Variants in GRK3 observed in about 807,000 individuals in gnomAD.
GRK3 encodes the protein G protein-coupled receptor kinase 3, also known as adrenergic, beta, receptor kinase 2.
In GRK3, 54 loss-of-function variants were observed where a neutral mutation model predicts 95.7. That is an observed-to-expected ratio of 0.56 (90% confidence interval 0.45 to 0.71). The LOEUF (loss-of-function observed/expected upper bound fraction) is 0.71. Ranked by LOEUF, GRK3 falls within the 30% of genes least tolerant of loss-of-function variation. The probability of loss-of-function intolerance (pLI) is 0.00; values close to 1 mark genes in which losing one functional copy is unlikely to be tolerated. For missense variants in GRK3, 649 were observed against 851.2 expected (o/e 0.76, Z 2.96); for synonymous variants, 281 against 290.8 (o/e 0.97, Z 0.34).
At chr22:25,612,381 T>C (rs1164671442) in intron 2 of GRK3, among the ~76,000 whole-genome samples, 4 of 152,162 alleles carry the variant, frequency 2.6e-5, no homozygotes, top group Admixed American at 2.6e-4. Context: ...AATGGAATTG[T>C]TTTATTTATT....
rs1245000199 is a variant in GRK3, at chr22:25,728,432, C to T, written c.*5982C>T. The T allele has an allele frequency of 6.6e-6, 1 of 152,184 alleles. No homozygotes were observed. The highest frequency in any genetic ancestry group is 2.4e-5 in the African/African-American group (1 of 41,442). 9.4% of individuals were successfully genotyped at this position (152,184 alleles called of 1,614,324 possible). A position where few individuals can be genotyped will look rare whatever the true frequency, so the allele number is the denominator to read the frequency against. ...ATTCCCTCAGAACCTAGGTTTGTTT[C>T]TAAAGCCACGGTATTGTCCAGGAGC... On this transcript the variant is annotated 3_prime_UTR_variant, in exon 21 of 21. Coordinates refer to ENST00000324198, the MANE Select transcript of GRK3 (RefSeq NM_005160.4).
intron 1 of GRK3, among the ~76,000 whole-genome samples, chr22:25,571,483 G>A (rs564973958): frequency 2.6e-5 from 4 of 151,864 alleles, no homozygotes; most frequent in South Asian, 2.1e-4. Context: ...TTTCAGACAC[G>A]GATAACTCAA....
Position 25,593,622 on chromosome 22 carries a change from A to C in GRK3, c.114-10755A>C, listed in dbSNP as rs1454682863. ...CCTTTGTCAGATGCATAGTTTGTAA[A>C]TATTTTCTCTCATTCTGTAGGGTGT... On this transcript the variant is annotated intron_variant, in intron 1 of 20. Transcript: ENST00000324198. Among the ~76,000 whole-genome samples the C allele has an allele frequency of 2.6e-5, 4 of 152,078 alleles. No homozygotes were observed. In the South Asian group the frequency reaches 6.2e-4, roughly 24 times the overall value.
chr22:25,679,078 C>T lies in GRK3; in HGVS notation c.747+163C>T, dbSNP rs148213407. 1.4e-3 allele frequency among the ~76,000 whole-genome samples: 218 copies of T among 152,308 alleles called. 1 individual carries two copies. The highest frequency in any genetic ancestry group is 5.0e-3 in the African/African-American group (208 of 41,560). On this transcript the variant is annotated intron_variant, in intron 9 of 20. Coordinates refer to ENST00000324198, the MANE Select transcript of GRK3 (RefSeq NM_005160.4). ...TTTGATTTTGCAAGTTAGAAGAACA[C>T]CAGCCACCTCCATTATGCACACCCA...
At chr22:25,585,932 A>G (rs1257484285) in intron 1 of GRK3, among the ~76,000 whole-genome samples, 1 of 152,296 alleles carries the variant, frequency 6.6e-6, no homozygotes, top group Non-Finnish European at 1.5e-5. Flanking sequence ...TCTTACTTGT[A>G]GAAACCATTC....
chr22:25,591,081 G>C (rs779338150), intron 1 of GRK3, among the ~76,000 whole-genome samples: 2 of 152,134 alleles, frequency 1.3e-5, no homozygotes, highest in Non-Finnish European at 2.9e-5. Flanking sequence ...ATGCCAGCTA[G>C]GAATGGGGTT....
At chr22:25,677,406 A>AG (rs1161684068) in intron 8 of GRK3, among the ~76,000 whole-genome samples, 1 of 147,348 alleles carries the variant, frequency 6.8e-6, no homozygotes, top group African/African-American at 2.5e-5. Context: ...AAAAAAGAAA[A>AG]GGAAAAAAAA....
intron 2 of GRK3, among the ~76,000 whole-genome samples, chr22:25,607,413 T>C (rs2084459125): frequency 6.6e-6 from 1 of 152,036 alleles, no homozygotes; most frequent in African/African-American, 2.4e-5. Flanking sequence ...TGTATTGTAA[T>C]TGATGATAAT....
At chr22:25,654,297 T>C (rs1176812616) in intron 3 of GRK3, among the ~76,000 whole-genome samples, 1 of 152,204 alleles carries the variant, frequency 6.6e-6, no homozygotes, top group African/African-American at 2.4e-5. Flanking sequence ...AAACATTAAA[T>C]GGTCAAAAGA....
At chr22:25,646,668 A>G (rs2084784730) in intron 3 of GRK3, among the ~76,000 whole-genome samples, 1 of 152,214 alleles carries the variant, frequency 6.6e-6, no homozygotes, top group Non-Finnish European at 1.5e-5. Flanking sequence ...GTGGGAAGAC[A>G]CAATACTTTT....
At position 25,653,093 on chromosome 22, in the gene GRK3, T is replaced by A. The variant is rs1255967993; in HGVS notation, c.264+8428T>A. Among the ~76,000 whole-genome samples, 9 of 151,930 alleles carry A rather than the reference T, an allele frequency of 5.9e-5. No individual in the cohort carries two copies. The East Asian group carries it at 1.7e-3, about 29-fold the overall frequency. ...TCTAACAAGTTAAAAGAGGGAAAAA[T>A]TAAAACAACATTTGCTAATCAACAG... On this transcript the variant is annotated intron_variant, in intron 3 of 20. Transcript: ENST00000324198.
At chr22:25,636,697 T>G (rs2084704033) in intron 2 of GRK3, among the ~76,000 whole-genome samples, 1 of 152,200 alleles carries the variant, frequency 6.6e-6, no homozygotes, top group Non-Finnish European at 1.5e-5. Context: ...CCTTCATGCC[T>G]CTTCCCAGTC....
chr22:25,648,298 C>A, intron 3 of GRK3: 1 of 955,394 alleles, frequency 1.0e-6, no homozygotes, highest in Non-Finnish European at 1.7e-6. Context: ...CAACTTGATA[C>A]TCTGCAGAAA....
intron 13 of GRK3, among the ~76,000 whole-genome samples, chr22:25,700,458 G>GGA (rs1285814029): frequency 1.3e-5 from 2 of 152,308 alleles, no homozygotes; most frequent in African/African-American, 4.8e-5. Flanking sequence ...AGTGGCCTAG[G>GGA]GAGAACTGAG....
chr22:25,708,630 C>T (rs2085319135), intron 15 of GRK3, among the ~76,000 whole-genome samples: 2 of 151,972 alleles, frequency 1.3e-5, no homozygotes, highest in Non-Finnish European at 2.9e-5. Flanking sequence ...GTGCTCCTCC[C>T]CCATGCGGGC....
intron 2 of GRK3, among the ~76,000 whole-genome samples, chr22:25,629,685 G>A (rs978887171): frequency 1.3e-5 from 2 of 152,184 alleles, no homozygotes; most frequent in African/African-American, 4.8e-5. Context: ...AGCGTGGTGT[G>A]TGTTGCAGTA....
At chr22:25,657,903 TG>T (rs1174815287) in intron 3 of GRK3, among the ~76,000 whole-genome samples, 2 of 152,140 alleles carry the variant, frequency 1.3e-5, no homozygotes, top group Non-Finnish European at 2.9e-5. Flanking sequence ...TTCTTTAGAT[TG>T]GATACTTCCT....
intron 2 of GRK3, among the ~76,000 whole-genome samples, chr22:25,622,270 C>T (rs1182051854): frequency 6.6e-6 from 1 of 152,158 alleles, no homozygotes; most frequent in Non-Finnish European, 1.5e-5. Context: ...TGCAGCAGGT[C>T]CTGGAATGCA....
At chr22:25,678,782 C>A in intron 8 of GRK3, 34 bp from the exon 9 acceptor site, 1 of 1,286,248 alleles carries the variant, frequency 7.8e-7, no homozygotes, top group South Asian at 1.3e-5. Context: ...GATATATTTA[C>A]GGCATAGATT....
Sources: gnomAD v4.1 joint callset for allele counts (sites outside exome capture counted in the v4.1 genomes callset) on GRCh38, gnomAD v4.1.1 for gene constraint, MANE v1.5 for transcripts, NCBI Gene and HGNC (gene_info 2026-07-23, HGNC 2026-07-21) for gene names.